Variants in CSTPP1 observed in about 807,000 individuals in gnomAD.
The protein encoded by CSTPP1 is centriolar satellite-associated tubulin polyglutamylase complex regulator 1, also known as UPF0705 protein C11orf49.
chr11:47,054,183 T>G, the CSTPP1 span, among the ~76,000 whole-genome samples: 12 of 150,810 alleles, frequency 8.0e-5, no homozygotes, highest in Non-Finnish European at 3.0e-5. Flanking sequence ...TGGTGGCGGG[T>G]GCCTGTAGTC....
chr11:47,141,629 A>G, the CSTPP1 span, among the ~76,000 whole-genome samples: 2 of 149,326 alleles, frequency 1.3e-5, no homozygotes, highest in African/African-American at 4.9e-5. Flanking sequence ...AAATCAAATA[A>G]GTAGAATTGT....
chr11:47,080,813 A>T, the CSTPP1 span, among the ~76,000 whole-genome samples: 1 of 152,128 alleles, frequency 6.6e-6, no homozygotes, highest in African/African-American at 2.4e-5. Context: ...GTTCGAGACC[A>T]GCCTGGGAAA....
At chr11:46,940,267 C>T in the CSTPP1 span, among the ~76,000 whole-genome samples, 1 of 152,160 alleles carries the variant, frequency 6.6e-6, no homozygotes, top group African/African-American at 2.4e-5. Flanking sequence ...TAACCAGTCC[C>T]GCACTGGTAA....
At chr11:46,959,696 G>A in the CSTPP1 span, among the ~76,000 whole-genome samples, 3 of 151,960 alleles carry the variant, frequency 2.0e-5, no homozygotes, top group Admixed American at 6.6e-5. Flanking sequence ...AGCCACTTAA[G>A]TTTTAGCTTT....
chr11:47,140,518 C>G, the CSTPP1 span, among the ~76,000 whole-genome samples: 1 of 152,124 alleles, frequency 6.6e-6, no homozygotes, highest in Non-Finnish European at 1.5e-5. Flanking sequence ...CACCCCGCCT[C>G]TCCCTGGGTT....
At chr11:47,009,047 T>A in the CSTPP1 span, among the ~76,000 whole-genome samples, 12 of 150,976 alleles carry the variant, frequency 7.9e-5, no homozygotes, top group African/African-American at 1.5e-4. Flanking sequence ...AAAAAAAAAA[T>A]TTCCCTATCC....
chr11:47,081,986 G>A, the CSTPP1 span, among the ~76,000 whole-genome samples: 1 of 148,340 alleles, frequency 6.7e-6, no homozygotes, highest in Non-Finnish European at 1.5e-5. Context: ...GCTTATATTA[G>A]GTTGGTGCAA....
the CSTPP1 span, among the ~76,000 whole-genome samples, chr11:46,964,752 A>G: frequency 1.4e-4 from 21 of 152,154 alleles, no homozygotes; most frequent in African/African-American, 5.1e-4. Context: ...CTGAAACTCT[A>G]GGGGTTTGGT....
chr11:46,965,753 TTTTAAATTGCCTTTTCAGGTA>T, the CSTPP1 span, among the ~76,000 whole-genome samples: 3 of 152,262 alleles, frequency 2.0e-5, no homozygotes, highest in East Asian at 5.8e-4. Flanking sequence ...AACAGGAATA[TTTTAAATTGCCTTTTCAGGTA>T]TTTATTTCAC....
chr11:47,042,050 T>A, the CSTPP1 span: 57,107 of 170,234 alleles, frequency 0.34, 17,502 homozygotes, highest in South Asian at 0.45. Context: ...AAAATTTTTT[T>A]AAATAGACAA....
the CSTPP1 span, among the ~76,000 whole-genome samples, chr11:47,099,223 T>C: frequency 3.3e-5 from 5 of 152,198 alleles, no homozygotes; most frequent in Non-Finnish European, 7.4e-5. Context: ...TCATTGAGCA[T>C]AAAACCTAAA....
the CSTPP1 span, among the ~76,000 whole-genome samples, chr11:47,048,507 AAAG>A: frequency 1.3e-5 from 2 of 152,074 alleles, no homozygotes; most frequent in East Asian, 3.8e-4. Flanking sequence ...GGAGGGAAAG[AAAG>A]AAAGAAATTT....
At chr11:46,987,271 A>T in the CSTPP1 span, 1 of 1,614,086 alleles carries the variant, frequency 6.2e-7, no homozygotes, top group Non-Finnish European at 8.5e-7. Flanking sequence ...AACAGGGAAG[A>T]TATTAGCCAA....
the CSTPP1 span, among the ~76,000 whole-genome samples, chr11:47,098,318 A>T: frequency 7.4e-5 from 11 of 148,228 alleles, no homozygotes; most frequent in East Asian, 7.8e-4. Context: ...AAATAAATTT[A>T]AAAAAAAAAT....
At chr11:46,993,659 A>G in the CSTPP1 span, among the ~76,000 whole-genome samples, 10 of 152,146 alleles carry the variant, frequency 6.6e-5, no homozygotes, top group Non-Finnish European at 2.9e-5. Context: ...TACCAGTACC[A>G]TGCTGTTTTG....
At chr11:47,149,217 C>T in the CSTPP1 span, among the ~76,000 whole-genome samples, 5 of 152,218 alleles carry the variant, frequency 3.3e-5, no homozygotes, top group Admixed American at 1.3e-4. Flanking sequence ...CTCTCTAGCC[C>T]GGAGGCATGG....
chr11:47,020,220 C>T, the CSTPP1 span, among the ~76,000 whole-genome samples: 1 of 152,170 alleles, frequency 6.6e-6, no homozygotes, highest in East Asian at 1.9e-4. Context: ...TCCCTATCCA[C>T]ATGATGGCTG....
At chr11:47,090,764 G>T in the CSTPP1 span, among the ~76,000 whole-genome samples, 1 of 152,206 alleles carries the variant, frequency 6.6e-6, no homozygotes, top group Non-Finnish European at 1.5e-5. Flanking sequence ...TGAGGGCCGG[G>T]CACGGAGGCT....
the CSTPP1 span, among the ~76,000 whole-genome samples, chr11:47,010,874 G>A: frequency 2.0e-5 from 3 of 152,050 alleles, no homozygotes. Context: ...AAGCTTCAGT[G>A]TGATTCCCCA....
Sources: allele counts gnomAD v4.1 joint callset (sites outside exome capture counted in the v4.1 genomes callset), GRCh38; gene constraint gnomAD v4.1.1; transcripts MANE v1.5; gene names NCBI Gene and HGNC (gene_info 2026-07-23, HGNC 2026-07-21).